The following KCNH1 variants were observed in gnomAD, a reference collection of about 807,000 sequenced individuals.
The protein encoded by KCNH1 is voltage-gated delayed rectifier potassium channel KCNH1.
KCNH1 carries 27 observed loss-of-function variants against 69.2 expected under a neutral mutation model. The observed-to-expected ratio is 0.39, with a 90% CI of 0.29 to 0.54. The LOEUF is 0.54. Ranked by LOEUF, KCNH1 falls within the 20% of genes least tolerant of loss-of-function variation. KCNH1 has a pLI of 0.68. For missense variants in KCNH1, 798 were observed against 1,261.6 expected, an observed-to-expected ratio of 0.63 and a Z score of 5.57; for synonymous variants, 456 against 487.7, an observed-to-expected ratio of 0.93 and a Z score of 0.86.
Position 210,854,555 on chromosome 1 carries a change from T to C in KCNH1, c.1463-50389A>G, listed in dbSNP as rs1221734480. On this transcript the variant is annotated intron_variant, in intron 7 of 10. Coordinates refer to ENST00000271751, the MANE Select transcript of KCNH1 (RefSeq NM_172362.3). ...TAAGAAATGTGGCAGAGCTTATGTC[T>C]GAAAGGTCTGGAGACCAGGATGGCA... Among the ~76,000 whole-genome samples the C allele has an allele frequency of 4.6e-5, 7 of 152,266 alleles. No individual in the cohort carries two copies. In the East Asian group the frequency reaches 1.4e-3, roughly 29 times the overall value.
At chr1:210,987,576 C>T (rs1282653806) in intron 6 of KCNH1, among the ~76,000 whole-genome samples, 1 of 152,218 alleles carries the variant, frequency 6.6e-6, no homozygotes, top group Admixed American at 6.5e-5. Context: ...TGGGTATCAG[C>T]AGCGGTGGCT....
In KCNH1 at chr1:211,097,994, T is replaced by C. The variant is rs116724155; in HGVS notation, c.310+5502A>G. Among the ~76,000 whole-genome samples, 1,250 of 152,324 alleles carry C rather than the reference T, an allele frequency of 8.2e-3. 16 individuals are homozygous for C. The highest frequency in any genetic ancestry group is 0.028 in the African/African-American group (1,174 of 41,564). Reference sequence around the variant, plus strand: ...CAGGAGTGAACACAGGAATATTTACTGAATGACTTCATTAATGACAACTGT... The same window carrying C: ...CAGGAGTGAACACAGGAATATTTACCGAATGACTTCATTAATGACAACTGT... On this transcript the variant is annotated intron_variant, in intron 3 of 10. Coordinates refer to ENST00000271751, the MANE Select transcript of KCNH1 (RefSeq NM_172362.3).
At chr1:210,958,624 C>A (rs1471412186) in intron 6 of KCNH1, among the ~76,000 whole-genome samples, 13 of 152,092 alleles carry the variant, frequency 8.5e-5, no homozygotes, top group Non-Finnish European at 1.0e-4. Context: ...ACTCTTTTTT[C>A]TCTAATCTTG....
intron 7 of KCNH1, among the ~76,000 whole-genome samples, chr1:210,835,488 C>T (rs975862755): frequency 3.9e-5 from 6 of 152,014 alleles, no homozygotes; most frequent in Admixed American, 3.3e-4. Flanking sequence ...AGAATCTTTG[C>T]GAGCCTCTAC....
intron 7 of KCNH1, chr1:210,861,157 C>A: frequency 2.2e-6 from 2 of 918,988 alleles, no homozygotes; most frequent in Non-Finnish European, 3.6e-6. Context: ...TGCGTATATA[C>A]TCGTAAGGGT....
intron 6 of KCNH1, among the ~76,000 whole-genome samples, chr1:210,986,859 G>C (rs1688848479): frequency 6.6e-6 from 1 of 152,148 alleles, no homozygotes; most frequent in Non-Finnish European, 1.5e-5. Context: ...AGTTCTCCTG[G>C]ATAATATCCT....
At chr1:211,095,520 T>C (rs1558602414) in intron 3 of KCNH1, among the ~76,000 whole-genome samples, 1 of 152,240 alleles carries the variant, frequency 6.6e-6, no homozygotes, top group Non-Finnish European at 1.5e-5. Context: ...TTGAGGTTCC[T>C]CAGCCTTGGC....
chr1:210,859,618 T>A (rs113285862), intron 7 of KCNH1: 121,965 of 1,358,276 alleles, frequency 0.09, 6,487 homozygotes, highest in Non-Finnish European at 0.11. Context: ...ATATTCAGCT[T>A]CATCATCATC....
At position 210,713,058 on chromosome 1, in the gene KCNH1, G is replaced by T. The variant is rs577303904; in HGVS notation, c.2113-28920C>A. On this transcript the variant is annotated intron_variant, in intron 10 of 10. Coordinates refer to ENST00000271751, the MANE Select transcript of KCNH1 (RefSeq NM_172362.3). ...TGCAGGCAATATTCCTTTAACTGGG[G>T]TTTGCTCCTGTGTTTGTCAATTTAT... 2.1e-3 allele frequency among the ~76,000 whole-genome samples: 313 copies of T among 152,244 alleles called. 1 individual carries two copies. The highest frequency in any genetic ancestry group is 7.3e-3 in the African/African-American group (303 of 41,532).
Position 211,103,605 on chromosome 1 carries a change from G to T in KCNH1, c.204-3C>A, listed in dbSNP as rs769433808. The T allele has an allele frequency of 8.2e-6, 13 of 1,588,596 alleles. No homozygotes were observed. The highest frequency in any genetic ancestry group is 1.1e-5 in the Non-Finnish European group (13 of 1,161,824). ...CAGTCAGCTCCCCATACATAAAACT[G>T]CAAACAACCAAAGAACTCAAGTTAG... is the stretch of plus-strand genomic sequence containing the variant. On this transcript the variant is annotated splice_region_variant and splice_polypyrimidine_tract_variant and intron_variant, in intron 2 of 10. Coordinates refer to ENST00000271751, the MANE Select transcript of KCNH1 (RefSeq NM_172362.3).
chr1:210,722,912 T>TG (rs1468729824), intron 10 of KCNH1, among the ~76,000 whole-genome samples: 1 of 152,196 alleles, frequency 6.6e-6, no homozygotes, highest in South Asian at 2.1e-4. Flanking sequence ...CTGAGGCATC[T>TG]GGGGAAAATC....
intron 7 of KCNH1, among the ~76,000 whole-genome samples, chr1:210,815,387 A>G (rs1684791800): frequency 6.6e-6 from 1 of 152,194 alleles, no homozygotes; most frequent in South Asian, 2.1e-4. Flanking sequence ...GGACAGGACA[A>G]TGGCCATGAA....
intron 9 of KCNH1, among the ~76,000 whole-genome samples, chr1:210,777,856 A>C (rs1683892587): frequency 6.6e-6 from 1 of 152,248 alleles, no homozygotes; most frequent in Admixed American, 6.5e-5. Context: ...GGCTGGCCTT[A>C]GTCACTGACT....
intron 6 of KCNH1, among the ~76,000 whole-genome samples, chr1:211,017,798 T>C (rs1689518608): frequency 6.6e-6 from 1 of 152,162 alleles, no homozygotes; most frequent in South Asian, 2.1e-4. Context: ...TTTCATCCAT[T>C]GCCTGCAGGA....
intron 3 of KCNH1, among the ~76,000 whole-genome samples, chr1:211,092,726 A>G (rs1691073875): frequency 6.6e-6 from 1 of 152,198 alleles, no homozygotes; most frequent in Non-Finnish European, 1.5e-5. Flanking sequence ...ATTAAGCAAC[A>G]GAAAACTCAA....
chr1:210,846,805 G>A (rs1372536024), intron 7 of KCNH1, among the ~76,000 whole-genome samples: 1 of 152,008 alleles, frequency 6.6e-6, no homozygotes, highest in African/African-American at 2.4e-5. Context: ...CCTACAGAAT[G>A]GAAGAAAATT....
intron 10 of KCNH1, among the ~76,000 whole-genome samples, chr1:210,710,261 A>G (rs1337774563): frequency 6.6e-6 from 1 of 152,314 alleles, no homozygotes; most frequent in African/African-American, 2.4e-5. Context: ...GCACTTAGCA[A>G]GAATGGAACT....
intron 8 of KCNH1, among the ~76,000 whole-genome samples, chr1:210,798,760 CA>C (rs970115155): frequency 1.5e-4 from 23 of 152,160 alleles, no homozygotes; most frequent in African/African-American, 5.5e-4. Context: ...GCAGGAGAGC[CA>C]GGGGGAAGCA....
At chr1:210,914,340 T>C (rs187868829) in intron 7 of KCNH1, among the ~76,000 whole-genome samples, 326 of 152,312 alleles carry the variant, frequency 2.1e-3, no homozygotes, top group Non-Finnish European at 3.2e-3. Context: ...GTGACCCACA[T>C]TGTTTTAGAA....
Sources: allele counts gnomAD v4.1 joint callset (sites outside exome capture counted in the v4.1 genomes callset), GRCh38; gene constraint gnomAD v4.1.1; transcripts MANE v1.5; gene names NCBI Gene and HGNC (gene_info 2026-07-23, HGNC 2026-07-21).